Variants in LHX8 observed in about 807,000 individuals in gnomAD.
LHX8 encodes the protein LIM homeobox 8, also known as LIM/homeobox protein Lhx8.
Under a neutral mutation model 40.3 loss-of-function variants are expected in LHX8, and 12 were observed. That is an observed-to-expected ratio of 0.30 (90% CI 0.19 to 0.48). LHX8 has a LOEUF of 0.48. Ranked by LOEUF, LHX8 falls within the 20% of genes least tolerant of loss-of-function variation. The pLI is 0.99. For synonymous variants in LHX8, 179 were observed against 162.0 expected (o/e 1.10, Z -0.80); for missense variants, 344 against 433.7 (o/e 0.79, Z 1.84).
intron 3 of LHX8, among the ~76,000 whole-genome samples, chr1:75,139,513 A>G (rs1648253626): frequency 6.6e-6 from 1 of 152,170 alleles, no homozygotes; most frequent in African/African-American, 2.4e-5. Context: ...TGGAATTTTA[A>G]AGGAAGCCTG....
chr1:75,154,207 A>G (rs1434024737), intron 7 of LHX8, among the ~76,000 whole-genome samples: 1 of 152,138 alleles, frequency 6.6e-6, no homozygotes, highest in Non-Finnish European at 1.5e-5. Flanking sequence ...GCCAGAAGGA[A>G]TTTCCTGATG....
At chr1:75,188,722 G>A in the LHX8 span, among the ~76,000 whole-genome samples, 18 of 152,132 alleles carry the variant, frequency 1.2e-4, no homozygotes, top group African/African-American at 3.4e-4. Context: ...ATAATGCTCC[G>A]AACATGTGAG....
the LHX8 span, among the ~76,000 whole-genome samples, chr1:75,172,607 G>A: frequency 6.6e-6 from 1 of 152,148 alleles, no homozygotes; most frequent in African/African-American, 2.4e-5. Context: ...CAGGAATTTG[G>A]TTGGGACATA....
Position 75,134,821 on chromosome 1 carries a change from A to T in LHX8, c.-146A>T, listed in dbSNP as rs995002627. 3.1e-5 allele frequency: 20 copies of T among 648,162 alleles called. No homozygotes were observed. The highest frequency in any genetic ancestry group is 1.9e-4 in the Admixed American group (3 of 15,706). The allele number at this position is 648,162 out of a possible 1,614,324, so 40.2% of individuals were successfully genotyped here. A position where few individuals can be genotyped will look rare whatever the true frequency, so the allele number is the denominator to read the frequency against. On this transcript the variant is annotated 5_prime_UTR_variant, in exon 1 of 9. Coordinates refer to ENST00000356261, the MANE Select transcript of LHX8 (RefSeq NM_001256114.2). ...AACGGCCTCATCTTCAGACCTGGCAATTTTTTTTTTTTATTACGTAGTAGC... is the reference window on the plus strand; with the variant it reads ...AACGGCCTCATCTTCAGACCTGGCATTTTTTTTTTTTTATTACGTAGTAGC...
At chr1:75,178,806 A>T in the LHX8 span, among the ~76,000 whole-genome samples, 31 of 152,170 alleles carry the variant, frequency 2.0e-4, no homozygotes, top group African/African-American at 7.0e-4. Context: ...TCTTGTGGGC[A>T]TTTAGTGCTA....
intron 8 of LHX8, among the ~76,000 whole-genome samples, chr1:75,159,041 A>G (rs1238196373): frequency 6.6e-6 from 1 of 152,110 alleles, no homozygotes; most frequent in Non-Finnish European, 1.5e-5. Flanking sequence ...TTTTCTGTTT[A>G]GTAATCTTGC....
chr1:75,141,931 T>A (rs1405686410), intron 4 of LHX8, among the ~76,000 whole-genome samples: 1 of 152,094 alleles, frequency 6.6e-6, no homozygotes, highest in South Asian at 2.1e-4. Flanking sequence ...TTTCAAAGAG[T>A]TTAGTGATTA....
the LHX8 span, among the ~76,000 whole-genome samples, chr1:75,180,198 G>A: frequency 1.3e-5 from 2 of 152,066 alleles, no homozygotes; most frequent in African/African-American, 4.8e-5. Context: ...GAGTATCTTT[G>A]TGGTGTTCCC....
the LHX8 span, among the ~76,000 whole-genome samples, chr1:75,176,721 G>T: frequency 6.6e-6 from 1 of 152,086 alleles, no homozygotes; most frequent in Non-Finnish European, 1.5e-5. Context: ...CATTGCTTTT[G>T]GTGTTTTAGT....
chr1:75,144,853 A>G (rs1648418893), intron 6 of LHX8, among the ~76,000 whole-genome samples: 1 of 152,182 alleles, frequency 6.6e-6, no homozygotes, highest in Admixed American at 6.5e-5. Flanking sequence ...ACAAATGAAT[A>G]AAAGTAACTT....
the LHX8 span, among the ~76,000 whole-genome samples, chr1:75,196,582 T>A: frequency 5.3e-5 from 8 of 152,272 alleles, no homozygotes; most frequent in East Asian, 1.9e-4. Flanking sequence ...AACCTAATGC[T>A]TGGCTCAGTG....
At chr1:75,148,818 C>T (rs1303890159) in intron 7 of LHX8, 136 bp downstream of exon 7, 8 of 662,544 alleles carry the variant, frequency 1.2e-5, no homozygotes, top group East Asian at 8.3e-5. Flanking sequence ...AATGGGATTA[C>T]AGGATGAGCC....
chr1:75,157,045 G>T lies in LHX8; in HGVS notation c.933G>T (p.Thr311=), dbSNP rs145367581. ...AYSAYVPQDG[T]MLTALHSYMD... is the part of the protein sequence containing the mutation. Reference sequence around the variant, plus strand: ...CTGCCTACGTGCCCCAAGATGGAACGATGTTAACTGCGCTGCATAGTTATA... The same window carrying T: ...CTGCCTACGTGCCCCAAGATGGAACTATGTTAACTGCGCTGCATAGTTATA... Residue 311 remains threonine, a synonymous_variant, in exon 8 of 9, where the codon ACG becomes ACT. Transcript: ENST00000356261. 5 of 1,614,162 alleles carry T rather than the reference G, an allele frequency of 3.1e-6. No homozygotes were observed. Among genetic ancestry groups the T allele is most frequent in the Admixed American group, 1.7e-5 (1 of 60,020 alleles).
intron 7 of LHX8, among the ~76,000 whole-genome samples, chr1:75,155,225 A>ATT (rs1648723009): frequency 7.9e-6 from 1 of 127,108 alleles, no homozygotes; most frequent in South Asian, 2.7e-4. Flanking sequence ...ATGAAGAAAC[A>ATT]CTCTCTTTTT....
the LHX8 span, among the ~76,000 whole-genome samples, chr1:75,179,222 A>G: frequency 6.6e-6 from 1 of 152,166 alleles, no homozygotes; most frequent in Non-Finnish European, 1.5e-5. Context: ...AGTCCTGGTT[A>G]TCCTTGTTAA....
At position 75,144,110 on chromosome 1, in the gene LHX8, C is replaced by T; in HGVS notation, c.684+162C>T. 4 of 647,868 alleles carry T rather than the reference C, an allele frequency of 6.2e-6. No homozygotes were observed. In the South Asian group the frequency reaches 7.0e-5, roughly 11 times the overall value. 40.1% of individuals were successfully genotyped at this position (647,868 alleles called of 1,614,324 possible). On this transcript the variant is annotated intron_variant, in intron 6 of 8. Coordinates refer to ENST00000356261, the MANE Select transcript of LHX8 (RefSeq NM_001256114.2). Reference sequence around the variant, plus strand: ...GAATATATGAAAACATACTTATTGCCCTAAAGTGTTTGCATTTCTAGCATC... The same window carrying T: ...GAATATATGAAAACATACTTATTGCTCTAAAGTGTTTGCATTTCTAGCATC...
rs1648074702 is a variant in LHX8, at chr1:75,134,889, A to T, written c.-78A>T. The T allele has an allele frequency of 1.0e-6, 1 of 985,042 alleles. No homozygotes were observed. The highest frequency in any genetic ancestry group is 1.2e-6 in the Non-Finnish European group (1 of 829,716). The allele number at this position is 985,042 out of a possible 1,614,324, so 61.0% of individuals were successfully genotyped here. On this transcript the variant is annotated 5_prime_UTR_variant, in exon 1 of 9. Coordinates refer to ENST00000356261, the MANE Select transcript of LHX8 (RefSeq NM_001256114.2). ...GCACTCCCTCCCCAAAAGCTCACTTAACCTGAGACATGGAGACTGTAATTT... is the reference window on the plus strand; with the variant it reads ...GCACTCCCTCCCCAAAAGCTCACTTTACCTGAGACATGGAGACTGTAATTT...
upstream of LHX8, chr1:75,130,381 C>G (rs542292612): frequency 1.6e-3 from 729 of 462,636 alleles, 2 homozygotes; most frequent in Non-Finnish European, 1.8e-3. Flanking sequence ...CTTGAAACAA[C>G]TGGCCCCAGC....
intron 8 of LHX8, among the ~76,000 whole-genome samples, chr1:75,158,882 C>T (rs1343270044): frequency 6.6e-6 from 1 of 152,060 alleles, no homozygotes; most frequent in Non-Finnish European, 1.5e-5. Flanking sequence ...AAAGGGAAAA[C>T]AATTAAGATT....
Sources: gnomAD v4.1 joint callset for allele counts (sites outside exome capture counted in the v4.1 genomes callset) on GRCh38, gnomAD v4.1.1 for gene constraint, MANE v1.5 for transcripts, NCBI Gene and HGNC (gene_info 2026-07-23, HGNC 2026-07-21) for gene names.